PRKAR2B: variants seen among roughly 807,000 people sequenced by gnomAD.
The protein encoded by PRKAR2B is cAMP-dependent protein kinase type II-beta regulatory subunit.
PRKAR2B carries 14 observed loss-of-function variants against 49.9 expected under a neutral mutation model. That is an observed-to-expected ratio of 0.28 (90% CI 0.19 to 0.44). PRKAR2B has a LOEUF of 0.44. Ranked by LOEUF, PRKAR2B falls within the 20% of genes least tolerant of loss-of-function variation. The pLI is 1.00. For synonymous variants in PRKAR2B, 196 were observed against 197.7 expected (o/e 0.99, Z 0.07); for missense variants, 393 against 537.9 (o/e 0.73, Z 2.67).
intron 6 of PRKAR2B, 115 bp from the exon 7 acceptor site, chr7:107,150,807 G>T: frequency 1.7e-6 from 1 of 572,566 alleles, no homozygotes. Context: ...AAAGTATAAT[G>T]ATGTTAATCT....
In PRKAR2B at chr7:107,050,796, C is replaced by G. The variant is rs893251332; in HGVS notation, c.307+5582C>G. 4.6e-5 allele frequency among the ~76,000 whole-genome samples: 7 copies of G among 152,166 alleles called. No individual in the cohort carries two copies. In the South Asian group the frequency reaches 1.5e-3, roughly 32 times the overall value. ...GTGAAACTTGGAAGGTAGGATAGTT[C>G]TTATTTTAAGAAAAAAGAAATGATT... is the stretch of plus-strand genomic sequence containing the variant. On this transcript the variant is annotated intron_variant, in intron 1 of 10. Transcript: ENST00000265717.
intron 10 of PRKAR2B, 128 bp downstream of exon 10, chr7:107,157,452 A>G: frequency 8.3e-7 from 1 of 1,200,706 alleles, no homozygotes; most frequent in Non-Finnish European, 1.1e-6. Flanking sequence ...TAACAAGATT[A>G]GGACTCATTG....
chr7:107,051,569 C>G (rs914867271), intron 1 of PRKAR2B, among the ~76,000 whole-genome samples: 1 of 152,126 alleles, frequency 6.6e-6, no homozygotes, highest in African/African-American at 2.4e-5. Flanking sequence ...CAAAATGACT[C>G]AGACGGTTTC....
chr7:107,090,153 A>C (rs528681648), intron 2 of PRKAR2B, among the ~76,000 whole-genome samples: 1 of 152,342 alleles, frequency 6.6e-6, no homozygotes, highest in African/African-American at 2.4e-5. Context: ...TGTGGTTCAC[A>C]GAATCACCAA....
chr7:107,074,855 G>A (rs1794364998), intron 2 of PRKAR2B, among the ~76,000 whole-genome samples: 2 of 151,964 alleles, frequency 1.3e-5, no homozygotes, highest in African/African-American at 2.4e-5. Flanking sequence ...TAGCAGCTCA[G>A]TAAATATTTT....
At chr7:107,051,636 GACA>G (rs1363275400) in intron 1 of PRKAR2B, among the ~76,000 whole-genome samples, 1 of 152,018 alleles carries the variant, frequency 6.6e-6, no homozygotes, top group Non-Finnish European at 1.5e-5. Flanking sequence ...TGGCTTACAT[GACA>G]ACAAAACAAT....
intron 5 of PRKAR2B, among the ~76,000 whole-genome samples, chr7:107,145,014 T>G (rs1300928120): frequency 6.6e-6 from 1 of 152,070 alleles, no homozygotes; most frequent in East Asian, 1.9e-4. Context: ...TGCAGTGACA[T>G]GCAAACTGAA....
intron 2 of PRKAR2B, among the ~76,000 whole-genome samples, chr7:107,117,325 TG>T (rs1319384131): frequency 6.6e-6 from 1 of 152,184 alleles, no homozygotes; most frequent in East Asian, 1.9e-4. Flanking sequence ...CCTGTGCTTT[TG>T]TAACAGCTTT....
chr7:107,141,925 G>A (rs1795796293), intron 5 of PRKAR2B, among the ~76,000 whole-genome samples: 1 of 152,154 alleles, frequency 6.6e-6, no homozygotes. Flanking sequence ...AATTTAAGTT[G>A]TGCTTTACCT....
intron 2 of PRKAR2B, among the ~76,000 whole-genome samples, chr7:107,080,853 C>T (rs950562042): frequency 6.6e-6 from 1 of 152,128 alleles, no homozygotes; most frequent in African/African-American, 2.4e-5. Context: ...GGGCACTGGG[C>T]TGGACCCAGG....
intron 2 of PRKAR2B, among the ~76,000 whole-genome samples, chr7:107,098,168 T>TA (rs1456690213): frequency 2.0e-5 from 3 of 152,224 alleles, no homozygotes; most frequent in Non-Finnish European, 2.9e-5. Flanking sequence ...AGATTTGGTC[T>TA]TTCACATAGT....
intron 2 of PRKAR2B, among the ~76,000 whole-genome samples, chr7:107,101,875 CTTTT>C (rs10589473): frequency 1.4e-4 from 13 of 94,224 alleles, no homozygotes; most frequent in East Asian, 3.2e-4. Context: ...AGCCCTGATC[CTTTT>C]TTTTTTTTTT....
intron 2 of PRKAR2B, among the ~76,000 whole-genome samples, chr7:107,086,146 C>A (rs1794614847): frequency 6.6e-6 from 1 of 152,066 alleles, no homozygotes; most frequent in East Asian, 1.9e-4. Context: ...TTATTGTTGA[C>A]CGTTTATATT....
intron 2 of PRKAR2B, among the ~76,000 whole-genome samples, chr7:107,114,200 A>T (rs1219907531): frequency 2.0e-5 from 3 of 152,180 alleles, no homozygotes; most frequent in Non-Finnish European, 4.4e-5. Context: ...AGAGTAGAAT[A>T]AAAAATTATT....
intron 6 of PRKAR2B, among the ~76,000 whole-genome samples, chr7:107,150,185 G>A (rs1456093596): frequency 5.9e-5 from 9 of 151,804 alleles, no homozygotes; most frequent in African/African-American, 2.2e-4. Context: ...AAATTTTTAG[G>A]AAAATAATGT....
rs1249528055 is a variant in PRKAR2B, at chr7:107,128,295, G to A, written c.480G>A (p.Pro160=). Residue 160 remains proline (P), a splice_region_variant and synonymous_variant, in exon 4 of 11, where the codon CCG becomes CCA. Transcript: ENST00000265717. ...KDILLFKNLD[P]EQMSQVLDAM... ...TCCTGCTGTTTAAGAATCTGGATCCGGTAAGATAAATCTTAATAATAGAAA... is the reference window on the plus strand; with the variant it reads ...TCCTGCTGTTTAAGAATCTGGATCCAGTAAGATAAATCTTAATAATAGAAA... 2.5e-6 allele frequency: 4 copies of A among 1,600,552 alleles called. No homozygotes were observed. The highest frequency in any genetic ancestry group is 2.6e-6 in the Non-Finnish European group (3 of 1,167,892).
intron 4 of PRKAR2B, among the ~76,000 whole-genome samples, chr7:107,134,353 A>G (rs1303375533): frequency 2.0e-5 from 3 of 152,134 alleles, no homozygotes; most frequent in African/African-American, 7.2e-5. Context: ...CAAATTTAAC[A>G]ATATATTAGT....
At chr7:107,109,633 G>T (rs1378609231) in intron 2 of PRKAR2B, among the ~76,000 whole-genome samples, 1 of 152,026 alleles carries the variant, frequency 6.6e-6, no homozygotes, top group Non-Finnish European at 1.5e-5. Context: ...GCAAGGTGAA[G>T]AAATAGAAAA....
At chr7:107,122,151 CCAATAGCCTACTCCTG>C in intron 3 of PRKAR2B, 147 bp downstream of exon 3, 2 of 472,134 alleles carry the variant, frequency 4.2e-6, no homozygotes, top group Non-Finnish European at 7.5e-6. Flanking sequence ...AGTCTCATCT[CCAATAGCCTACTCCTG>C]CTGTGAGTCT....
Sources: allele counts gnomAD v4.1 joint callset (sites outside exome capture counted in the v4.1 genomes callset), GRCh38; gene constraint gnomAD v4.1.1; transcripts MANE v1.5; gene names NCBI Gene and HGNC (gene_info 2026-07-23, HGNC 2026-07-21).